The following CNBD1 variants were observed in gnomAD, a reference collection of about 807,000 sequenced individuals.
CNBD1 encodes cyclic nucleotide-binding domain-containing protein 1.
In CNBD1, 71 loss-of-function variants were observed where a neutral mutation model predicts 54.4. The observed-to-expected ratio is 1.30, with a 90% CI of 1.08 to 1.59. CNBD1 has a LOEUF of 1.59. Ranked by LOEUF, CNBD1 falls within the 40% of genes most tolerant of loss-of-function variation. The probability of loss-of-function intolerance (pLI) is 0.00; values close to 1 mark genes in which losing one functional copy is unlikely to be tolerated. For synonymous variants in CNBD1, 182 were observed against 170.7 expected (o/e 1.07, Z -0.51); for missense variants, 659 against 518.0 (o/e 1.27, Z -2.64).
chr8:87,314,520 A>T lies in CNBD1; in HGVS notation c.1042+27849A>T, dbSNP rs933320476. Among the ~76,000 whole-genome samples, 4 of 151,926 alleles carry T rather than the reference A, an allele frequency of 2.6e-5. No individual in the cohort carries two copies. In the Admixed American group the frequency reaches 2.6e-4, roughly 10 times the overall value. ...AGTCAGCTACATTCTTACAGTAAAC[A>T]CCAGAACCATTGCCATGAAAGTGAT... On this transcript the variant is annotated intron_variant, in intron 8 of 10. Transcript: ENST00000518476.
chr8:86,956,233 G>A (rs1807765603), intron 4 of CNBD1, among the ~76,000 whole-genome samples: 1 of 152,082 alleles, frequency 6.6e-6, no homozygotes, highest in Admixed American at 6.6e-5. Context: ...GGTTACTGTA[G>A]CCTTGTAGTA....
chr8:87,081,653 G>A (rs975970785), intron 4 of CNBD1, among the ~76,000 whole-genome samples: 3 of 151,596 alleles, frequency 2.0e-5, no homozygotes, highest in African/African-American at 4.8e-5. Context: ...TAACAGGCGC[G>A]CCACCACACC....
At chr8:87,228,499 G>A (rs534226114) in intron 5 of CNBD1, among the ~76,000 whole-genome samples, 1,685 of 143,184 alleles carry the variant, frequency 0.012, 215 homozygotes, top group African/African-American at 0.047. Flanking sequence ...AGTACCCTGC[G>A]GTGTGAGGTG....
chr8:87,281,540 A>G (rs1808596623), intron 6 of CNBD1, among the ~76,000 whole-genome samples: 1 of 74,784 alleles, frequency 1.3e-5, no homozygotes, highest in African/African-American at 5.1e-5. Flanking sequence ...TTCTAGGCTA[A>G]GATATATATA....
At chr8:86,920,751 T>C (rs1042640915) in intron 3 of CNBD1, among the ~76,000 whole-genome samples, 3 of 152,166 alleles carry the variant, frequency 2.0e-5, no homozygotes, top group African/African-American at 7.2e-5. Context: ...TTTTAGATTC[T>C]AAAGAGGCTA....
intron 4 of CNBD1, among the ~76,000 whole-genome samples, chr8:86,958,542 T>G (rs570515027): frequency 4.6e-5 from 7 of 152,250 alleles, no homozygotes; most frequent in Non-Finnish European, 1.0e-4. Context: ...TTTAGGGTAG[T>G]TAGCTCTTCT....
intron 4 of CNBD1, among the ~76,000 whole-genome samples, chr8:87,106,270 T>A (rs999793081): frequency 6.6e-6 from 1 of 151,914 alleles, no homozygotes; most frequent in Non-Finnish European, 1.5e-5. Context: ...CAGGAGCACA[T>A]TGGCATCATC....
chr8:87,367,924 C>A (rs774991726), intron 10 of CNBD1, among the ~76,000 whole-genome samples: 27 of 152,042 alleles, frequency 1.8e-4, no homozygotes, highest in Non-Finnish European at 3.5e-4. Context: ...ATAATTCCAG[C>A]ACTTTGGGAG....
intron 4 of CNBD1, among the ~76,000 whole-genome samples, chr8:87,190,185 T>G (rs1813568418): frequency 1.3e-5 from 2 of 152,134 alleles, no homozygotes; most frequent in Admixed American, 6.6e-5. Flanking sequence ...CTTGCTAAGG[T>G]CCAGGGATTT....
At chr8:87,281,967 T>C (rs1051964204) in intron 6 of CNBD1, among the ~76,000 whole-genome samples, 1 of 150,460 alleles carries the variant, frequency 6.6e-6, no homozygotes, top group African/African-American at 2.4e-5. Context: ...TAATTTTTCT[T>C]CTAAAAATAT....
intron 4 of CNBD1, among the ~76,000 whole-genome samples, chr8:87,053,978 G>T (rs1314728202): frequency 6.6e-6 from 1 of 152,188 alleles, no homozygotes; most frequent in Admixed American, 6.5e-5. Context: ...GAATTGAATG[G>T]CTGTCTTCCT....
At chr8:87,082,373 C>A (rs1811013862) in intron 4 of CNBD1, among the ~76,000 whole-genome samples, 1 of 152,164 alleles carries the variant, frequency 6.6e-6, no homozygotes, top group East Asian at 1.9e-4. Flanking sequence ...CCCACTTGCA[C>A]CCAAGTGAAA....
chr8:87,007,129 G>A (rs1312946178), intron 4 of CNBD1, among the ~76,000 whole-genome samples: 8 of 151,802 alleles, frequency 5.3e-5, no homozygotes, highest in Non-Finnish European at 7.4e-5. Flanking sequence ...CCCAGGAGGC[G>A]GAGGTTGCAG....
chr8:87,137,103 A>C (rs1346611515), intron 4 of CNBD1, among the ~76,000 whole-genome samples: 1 of 90,888 alleles, frequency 1.1e-5, no homozygotes, highest in African/African-American at 4.9e-5. Context: ...ATTATATGTA[A>C]ATTATATATA....
At chr8:86,882,993 G>A (rs1586109118) in intron 1 of CNBD1, among the ~76,000 whole-genome samples, 5 of 152,066 alleles carry the variant, frequency 3.3e-5, no homozygotes, top group Admixed American at 1.3e-4. Context: ...ACACATAGAG[G>A]GGAACAACAT....
In CNBD1 at chr8:87,428,163, A is replaced by G. The variant is rs557860775; in HGVS notation, c.214-383A>G. Among the ~76,000 whole-genome samples, 9 of 152,184 alleles carry G rather than the reference A, an allele frequency of 5.9e-5. No homozygotes were observed. In the East Asian group the frequency reaches 1.7e-3, roughly 29 times the overall value. ...AAAAAAGGCAAAAAAAGAAAAAAAA[A>G]AAGTCAGAAAAACAAAAACAAAAAA... On this transcript the variant is annotated intron_variant, in intron 2 of 7. Coordinates refer to the CNBD1 transcript ENST00000521593.
intron 4 of CNBD1, among the ~76,000 whole-genome samples, chr8:86,944,938 C>A (rs1266579221): frequency 6.6e-6 from 1 of 152,166 alleles, no homozygotes; most frequent in Non-Finnish European, 1.5e-5. Flanking sequence ...CTTTTTAAGA[C>A]ATGAGCAGGA....
chr8:87,209,434 TA>T (rs535136227), intron 5 of CNBD1, among the ~76,000 whole-genome samples: 27 of 151,882 alleles, frequency 1.8e-4, no homozygotes, highest in Non-Finnish European at 4.0e-4. Context: ...TGAATAACAA[TA>T]AAAAATTACT....
At chr8:87,406,160 A>G (rs1037366955) in intron 2 of CNBD1, among the ~76,000 whole-genome samples, 1 of 152,120 alleles carries the variant, frequency 6.6e-6, no homozygotes, top group African/African-American at 2.4e-5. Flanking sequence ...CATTAATTTA[A>G]TGATCTGTAT....
Sources: gnomAD v4.1 joint callset for allele counts (sites outside exome capture counted in the v4.1 genomes callset) on GRCh38, gnomAD v4.1.1 for gene constraint, MANE v1.5 for transcripts, NCBI Gene and HGNC (gene_info 2026-07-23, HGNC 2026-07-21) for gene names.